The following RBFOX1 variants were observed in gnomAD, a reference collection of about 807,000 sequenced individuals.
The protein encoded by RBFOX1 is RNA binding fox-1 homolog 1.
RBFOX1 carries 8 observed loss-of-function variants against 57.7 expected under a neutral mutation model. That is an observed-to-expected ratio of 0.14 (90% CI 0.08 to 0.25). The LOEUF (loss-of-function observed/expected upper bound fraction) is 0.25, where lower values mean the gene tolerates loss of function less well. RBFOX1 is among the 10% of genes least tolerant of loss of function. The probability of loss-of-function intolerance (pLI) is 1.00; values close to 1 mark genes in which losing one functional copy is unlikely to be tolerated. For missense variants in RBFOX1, 611 were observed against 548.5 expected, an observed-to-expected ratio of 1.11 and a Z score of -1.14; for synonymous variants, 326 against 222.4, an observed-to-expected ratio of 1.47 and a Z score of -4.15.
intron 2 of RBFOX1, among the ~76,000 whole-genome samples, chr16:6,478,267 G>A (rs926632970): frequency 3.5e-5 from 5 of 143,380 alleles, no homozygotes; most frequent in Non-Finnish European, 7.6e-5. Context: ...CTGTCACCTG[G>A]GCTGGAGTGC....
intron 2 of RBFOX1, among the ~76,000 whole-genome samples, chr16:6,583,030 GTC>G (rs56039447): frequency 1.3e-5 from 2 of 149,552 alleles, no homozygotes; most frequent in Non-Finnish European, 3.0e-5. Context: ...CTTGCTCGAT[GTC>G]TCTCTCTCTC....
At chr16:6,480,820 C>T (rs1189549947) in intron 2 of RBFOX1, among the ~76,000 whole-genome samples, 1 of 151,956 alleles carries the variant, frequency 6.6e-6, no homozygotes, top group Non-Finnish European at 1.5e-5. Context: ...ATTTCTGTTC[C>T]TACATATTCA....
chr16:5,407,132 A>G (rs902232349), intron 1 of RBFOX1, among the ~76,000 whole-genome samples: 17 of 152,278 alleles, frequency 1.1e-4, no homozygotes, highest in African/African-American at 4.1e-4. Context: ...TCTTGGTCTC[A>G]GGCAAGAGAG....
chr16:6,156,607 G>A (rs1157788357), intron 1 of RBFOX1, among the ~76,000 whole-genome samples: 4 of 152,092 alleles, frequency 2.6e-5, no homozygotes, highest in Admixed American at 2.6e-4. Context: ...TGGCCAGCTT[G>A]GCCACCTGTG....
intron 11 of RBFOX1, among the ~76,000 whole-genome samples, chr16:7,650,484 C>T (rs2064806897): frequency 6.6e-6 from 1 of 152,154 alleles, no homozygotes; most frequent in South Asian, 2.1e-4. Context: ...AAATATCCTG[C>T]CTCAGGAAAT....
At chr16:6,609,020 C>G (rs144898783) in intron 2 of RBFOX1, among the ~76,000 whole-genome samples, 30 of 152,296 alleles carry the variant, frequency 2.0e-4, no homozygotes, top group African/African-American at 6.7e-4. Context: ...TCTGACCTGA[C>G]CCTTCTGTCT....
At chr16:7,160,232 G>A (rs1601452286) in intron 4 of RBFOX1, among the ~76,000 whole-genome samples, 1 of 151,016 alleles carries the variant, frequency 6.6e-6, no homozygotes. Flanking sequence ...AGAGTTTTAT[G>A]ACTATGTGCT....
intron 4 of RBFOX1, among the ~76,000 whole-genome samples, chr16:5,964,650 T>G (rs2152291977): frequency 6.6e-6 from 1 of 152,218 alleles, no homozygotes; most frequent in Middle Eastern, 3.4e-3. Context: ...CACACACATA[T>G]ATACATACAG....
chr16:5,975,968 A>G (rs931672186), intron 4 of RBFOX1, among the ~76,000 whole-genome samples: 2 of 151,830 alleles, frequency 1.3e-5, no homozygotes, highest in Non-Finnish European at 2.9e-5. Flanking sequence ...ACACGGTGAA[A>G]CCCCATCTCT....
intron 4 of RBFOX1, among the ~76,000 whole-genome samples, chr16:5,962,855 G>A (rs1474748265): frequency 2.7e-5 from 4 of 147,928 alleles, no homozygotes; most frequent in African/African-American, 7.5e-5. Context: ...AATGATAATG[G>A]TGAGTATGTC....
intron 3 of RBFOX1, among the ~76,000 whole-genome samples, chr16:5,830,054 T>G (rs973210357): frequency 6.6e-6 from 1 of 152,224 alleles, no homozygotes; most frequent in Non-Finnish European, 1.5e-5. Context: ...GTAGGGTTTT[T>G]AAAACACCAC....
At chr16:6,331,211 G>A (rs1440599913) in intron 2 of RBFOX1, among the ~76,000 whole-genome samples, 1 of 152,166 alleles carries the variant, frequency 6.6e-6, no homozygotes, top group Non-Finnish European at 1.5e-5. Context: ...AGCACTTCGG[G>A]AGGCCAAGGC....
Position 6,938,900 on chromosome 16 carries a change from C to G in RBFOX1, c.-15-113157C>G, listed in dbSNP as rs188599808. On this transcript the variant is annotated intron_variant, in intron 3 of 15. Coordinates refer to ENST00000550418, the MANE Select transcript of RBFOX1 (RefSeq NM_018723.4). The stretch of plus-strand genomic sequence containing the variant: ...TGAGCCGAGATTGCACCACTGCACT[C>G]CAGCCTGGGTGACATAGTGAGAGTC... Among the ~76,000 whole-genome samples, 29 of 152,176 alleles carry G rather than the reference C, an allele frequency of 1.9e-4. No homozygotes were observed. The East Asian group carries it at 5.6e-3, about 29-fold the overall frequency.
intron 2 of RBFOX1, among the ~76,000 whole-genome samples, chr16:6,489,242 T>A (rs1418206083): frequency 6.6e-6 from 1 of 152,178 alleles, no homozygotes; most frequent in Non-Finnish European, 1.5e-5. Flanking sequence ...CTAACAACCT[T>A]CCCATATGGT....
intron 4 of RBFOX1, among the ~76,000 whole-genome samples, chr16:7,482,500 TAAATC>T (rs1288869962): frequency 6.6e-5 from 10 of 151,372 alleles, no homozygotes; most frequent in African/African-American, 2.4e-4. Flanking sequence ...TGTTGTTTCT[TAAATC>T]AAGAGTTTGC....
At chr16:5,385,786 C>T (rs183095288) in intron 1 of RBFOX1, among the ~76,000 whole-genome samples, 1 of 152,250 alleles carries the variant, frequency 6.6e-6, no homozygotes, top group Admixed American at 6.5e-5. Context: ...GAGCAGTGGC[C>T]TTGTCTGTTT....
chr16:6,204,908 G>A (rs997869799), intron 1 of RBFOX1, among the ~76,000 whole-genome samples: 2 of 152,142 alleles, frequency 1.3e-5, no homozygotes, highest in African/African-American at 2.4e-5. Context: ...GATAACACAC[G>A]ATTAAGTTTT....
In RBFOX1 at chr16:6,530,969, A is replaced by C. The variant is rs185563980; in HGVS notation, c.-63-123634A>C. ...ATCCGGCTCCAGAAAAACCCCAATC[A>C]CCTCCCTTCCTGGTGTCTGTTCCAA... On this transcript the variant is annotated intron_variant, in intron 2 of 15. Coordinates refer to ENST00000550418, the MANE Select transcript of RBFOX1 (RefSeq NM_018723.4). Among the ~76,000 whole-genome samples, 351 of 151,332 alleles carry C rather than the reference A, an allele frequency of 2.3e-3. 2 individuals are homozygous for C. Among genetic ancestry groups the C allele is most frequent in the Non-Finnish European group, 2.9e-3 (194 of 67,820 alleles).
At chr16:6,905,119 C>T (rs1304100940) in intron 3 of RBFOX1, among the ~76,000 whole-genome samples, 1 of 152,140 alleles carries the variant, frequency 6.6e-6, no homozygotes, top group Non-Finnish European at 1.5e-5. Context: ...TCCAAAAAGA[C>T]TGTTTTGCAG....
Sources: gnomAD v4.1 joint callset for allele counts (sites outside exome capture counted in the v4.1 genomes callset) on GRCh38, gnomAD v4.1.1 for gene constraint, MANE v1.5 for transcripts, NCBI Gene and HGNC (gene_info 2026-07-23, HGNC 2026-07-21) for gene names.